TNFRSF10A: variants seen among roughly 807,000 people sequenced by gnomAD.
TNFRSF10A encodes tumor necrosis factor receptor superfamily member 10A.
A neutral mutation model predicts 42.8 loss-of-function variants in TNFRSF10A; 44 were observed. That is an observed-to-expected ratio of 1.03 (90% CI 0.81 to 1.32). The LOEUF (loss-of-function observed/expected upper bound fraction) is 1.32, where lower values mean the gene tolerates loss of function less well. TNFRSF10A is among the 40% of genes most tolerant of loss of function. The pLI is 0.00. For missense variants in TNFRSF10A, 680 were observed against 602.0 expected (o/e 1.13, Z -1.36); for synonymous variants, 259 against 234.2 (o/e 1.11, Z -0.97).
At chr8:23,196,293 A>G (rs1800821620) in intron 9 of TNFRSF10A, among the ~76,000 whole-genome samples, 1 of 152,130 alleles carries the variant, frequency 6.6e-6, no homozygotes, top group East Asian at 1.9e-4. Flanking sequence ...TCCCGGGTTC[A>G]TGCCATTCTC....
intron 2 of TNFRSF10A, chr8:23,207,422 A>G: frequency 2.0e-6 from 1 of 494,816 alleles, no homozygotes. Flanking sequence ...CACCAGAAAA[A>G]CAAAGTTGAG....
At chr8:23,199,979 A>G in intron 6 of TNFRSF10A, 62 bp from the exon 7 acceptor site, 4 of 1,337,446 alleles carry the variant, frequency 3.0e-6, no homozygotes, top group Non-Finnish European at 2.1e-6. Context: ...TCCTTCTTAG[A>G]GGGCAGTGTT....
chr8:23,217,389 G>A (rs1371664277), intron 1 of TNFRSF10A, among the ~76,000 whole-genome samples: 1 of 151,944 alleles, frequency 6.6e-6, no homozygotes, highest in Admixed American at 6.6e-5. Context: ...GCTAATTTTT[G>A]TATTTTTAGT....
chr8:23,218,356 C>G (rs1412219511), intron 1 of TNFRSF10A, among the ~76,000 whole-genome samples: 1 of 152,078 alleles, frequency 6.6e-6, no homozygotes, highest in Non-Finnish European at 1.5e-5. Flanking sequence ...TTGATATTCA[C>G]ACTGATTTCC....
chr8:23,208,680 T>C (rs775478253), intron 2 of TNFRSF10A, among the ~76,000 whole-genome samples: 37 of 152,146 alleles, frequency 2.4e-4, no homozygotes, highest in Admixed American at 1.2e-3. Flanking sequence ...ATGGTCTCAA[T>C]CTCCTGACCT....
At chr8:23,224,686 C>A in intron 1 of TNFRSF10A, 70 bp downstream of exon 1, 1 of 1,483,040 alleles carries the variant, frequency 6.7e-7, no homozygotes, top group South Asian at 1.3e-5. Flanking sequence ...CCGCCGCGTC[C>A]CCCTCTCTCT....
intron 9 of TNFRSF10A, among the ~76,000 whole-genome samples, chr8:23,193,107 GC>G (rs1469155335): frequency 6.6e-6 from 1 of 152,062 alleles, no homozygotes; most frequent in Non-Finnish European, 1.5e-5. Flanking sequence ...TTCCACTGCA[GC>G]ACCCTATTAA....
chr8:23,206,203 T>G (rs891142379), intron 2 of TNFRSF10A, among the ~76,000 whole-genome samples: 6 of 152,138 alleles, frequency 3.9e-5, no homozygotes, highest in African/African-American at 1.4e-4. Flanking sequence ...TTAAAAAGTT[T>G]ATAAAGTAAA....
intron 1 of TNFRSF10A, among the ~76,000 whole-genome samples, chr8:23,216,561 G>A (rs1197662978): frequency 6.6e-6 from 1 of 152,014 alleles, no homozygotes; most frequent in Non-Finnish European, 1.5e-5. Flanking sequence ...GTGCAACATG[G>A]TGAAACCCTA....
chr8:23,200,631 C>T (rs918100932), intron 5 of TNFRSF10A, 31 bp from the exon 6 acceptor site: 6 of 1,613,908 alleles, frequency 3.7e-6, no homozygotes, highest in African/African-American at 2.7e-5. Context: ...ACAGGAGTCT[C>T]GGGCTGCTGG....
Position 23,207,329 on chromosome 8 carries a change from A to G in TNFRSF10A, c.404-4568T>C, listed in dbSNP as rs900446625. On this transcript the variant is annotated intron_variant, in intron 2 of 9. Coordinates refer to ENST00000221132, the MANE Select transcript of TNFRSF10A (RefSeq NM_003844.4). ...GCATATGTTCGACTGGCTCCTGATT[A>G]CCATGTCTTGGATGTTGCCAACAAA... 38 of 593,826 alleles carry G rather than the reference A, an allele frequency of 6.4e-5. No individual in the cohort carries two copies. The African/African-American group carries it at 6.5e-4, about 10-fold the overall frequency. 36.8% of individuals were successfully genotyped at this position (593,826 alleles called of 1,614,324 possible). A position where few individuals can be genotyped will look rare whatever the true frequency, so the allele number is the denominator to read the frequency against.
intron 2 of TNFRSF10A, among the ~76,000 whole-genome samples, chr8:23,210,069 G>A (rs562883470): frequency 6.6e-6 from 1 of 152,270 alleles, no homozygotes; most frequent in East Asian, 1.9e-4. Flanking sequence ...TTATTATAAG[G>A]TGGAGTTTTC....
At chr8:23,219,258 C>T (rs773389295) in intron 1 of TNFRSF10A, among the ~76,000 whole-genome samples, 15 of 152,018 alleles carry the variant, frequency 9.9e-5, no homozygotes, top group Non-Finnish European at 1.6e-4. Context: ...GTGCTCATCA[C>T]CTACTTCCTG....
At position 23,200,761 on chromosome 8, in the gene TNFRSF10A, C is replaced by CT. The variant is rs1342008419; in HGVS notation, c.630-2dup. 1.0e-6 allele frequency: 1 copy of CT among 981,134 alleles called. No individual in the cohort carries two copies. The highest frequency in any genetic ancestry group is 1.9e-5 in the Admixed American group (1 of 53,336). 60.8% of individuals were successfully genotyped at this position (981,134 alleles called of 1,614,324 possible). A position where few individuals can be genotyped will look rare whatever the true frequency, so the allele number is the denominator to read the frequency against. On this transcript the variant is annotated splice_acceptor_variant, in intron 4 of 9. Coordinates refer to ENST00000221132, the MANE Select transcript of TNFRSF10A (RefSeq NM_003844.4). LOFTEE classifies it high-confidence loss of function. ...GACCTTGACCATCCCTCTGGGGCACCTGGGTACACACAGGGAGGGAGGGGG... is the reference window on the plus strand; with the variant it reads ...GACCTTGACCATCCCTCTGGGGCACCTTGGGTACACACAGGGAGGGAGGGGG...
chr8:23,212,039 T>G, intron 2 of TNFRSF10A, 77 bp downstream of exon 2: 1 of 1,289,298 alleles, frequency 7.8e-7, no homozygotes, highest in Non-Finnish European at 1.1e-6. Flanking sequence ...TTGATGAATT[T>G]TGAGATAATT....
At chr8:23,200,008 G>T in intron 6 of TNFRSF10A, 91 bp from the exon 7 acceptor site, 1 of 1,523,984 alleles carries the variant, frequency 6.6e-7, no homozygotes, top group Non-Finnish European at 9.0e-7. Flanking sequence ...GTGGGCTGGG[G>T]GCTGGGACAC....
chr8:23,198,015 CCTT>C (rs901659461), intron 8 of TNFRSF10A, among the ~76,000 whole-genome samples: 2 of 151,610 alleles, frequency 1.3e-5, no homozygotes, highest in African/African-American at 2.4e-5. Context: ...TTAATGTTTG[CCTT>C]CTTTTTTTTT....
intron 1 of TNFRSF10A, among the ~76,000 whole-genome samples, chr8:23,220,564 A>G (rs1801243502): frequency 6.6e-6 from 1 of 152,228 alleles, no homozygotes; most frequent in African/African-American, 2.4e-5. Context: ...TATAAACCAC[A>G]GTGGTCTGTG....
chr8:23,211,798 G>A (rs898305141), intron 2 of TNFRSF10A, among the ~76,000 whole-genome samples: 1 of 152,190 alleles, frequency 6.6e-6, no homozygotes, highest in Non-Finnish European at 1.5e-5. Context: ...TTCAACGAAT[G>A]GCAACTGGAT....
Sources: gnomAD v4.1 joint callset for allele counts (sites outside exome capture counted in the v4.1 genomes callset) on GRCh38, gnomAD v4.1.1 for gene constraint, MANE v1.5 for transcripts, NCBI Gene and HGNC (gene_info 2026-07-23, HGNC 2026-07-21) for gene names.